ITGA10: variants seen among roughly 807,000 people sequenced by gnomAD.
ITGA10 encodes the protein integrin subunit alpha 10, also known as integrin alpha-10.
Under a neutral mutation model 145.2 loss-of-function variants are expected in ITGA10, and 105 were observed. The ratio of observed to expected loss-of-function variants is 0.72; its 90% CI spans 0.62 to 0.85. The LOEUF (loss-of-function observed/expected upper bound fraction) is 0.85. ITGA10 is among the 40% of genes least tolerant of loss of function. The pLI is 0.00. For missense variants in ITGA10, 1,317 were observed against 1,444.5 expected (o/e 0.91, Z 1.43); for synonymous variants, 506 against 557.8 (o/e 0.91, Z 1.31).
At position 145,891,804 on chromosome 1, in the gene ITGA10, G is replaced by A. The variant is rs1245058271; in HGVS notation, c.*994C>T. The A allele has an allele frequency of 2.0e-5, 3 of 152,226 alleles. No individual in the cohort carries two copies. Among genetic ancestry groups the A allele is most frequent in the African/African-American group, 4.8e-5 (2 of 41,446 alleles). The allele number at this position is 152,226 out of a possible 1,614,324, so 9.4% of individuals were successfully genotyped here. A position where few individuals can be genotyped will look rare whatever the true frequency, so the allele number is the denominator to read the frequency against. On this transcript the variant is annotated 3_prime_UTR_variant, in exon 30 of 30. Coordinates refer to ENST00000369304, the MANE Select transcript of ITGA10 (RefSeq NM_003637.5). ...CCACCCATGTAGGTTTCTTAATGCA[G>A]ACTCCACACTTTTAGATCCCATGGG...
In ITGA10 at chr1:145,895,260, C is replaced by T. The variant is rs16827006; in HGVS notation, c.3228+20G>A. Reference sequence around the variant, plus strand: ...CAGAAAGGAGCAGAAGTGGGGAGTACTAGAAAAGGAAAGGCTTACTCTTCG... The same window carrying T: ...CAGAAAGGAGCAGAAGTGGGGAGTATTAGAAAAGGAAAGGCTTACTCTTCG... On this transcript the variant is annotated intron_variant, in intron 27 of 29. Transcript: ENST00000369304. The T allele has an allele frequency of 1.3e-6, 2 of 1,547,248 alleles. No individual in the cohort carries two copies. Among genetic ancestry groups the T allele is most frequent in the African/African-American group, 1.4e-5 (1 of 73,560 alleles).
At chr1:145,898,866 T>C in intron 17 of ITGA10, 70 bp downstream of exon 17, 1 of 1,532,072 alleles carries the variant, frequency 6.5e-7, no homozygotes, top group Non-Finnish European at 8.8e-7. Context: ...TCAGCTAAAA[T>C]TCCTCCTCTG....
intron 23 of ITGA10, 64 bp from the exon 24 acceptor site, chr1:145,896,416 A>G: frequency 3.3e-6 from 4 of 1,211,222 alleles, no homozygotes; most frequent in Non-Finnish European, 4.9e-6. Context: ...GGGGCACATG[A>G]TCAGCACACA....
rs1553750640 is a variant in ITGA10 at position 145,905,070 on chromosome 1, C to CACACACACACACACACACG, written c.482-260_482-259insCGTGTGTGTGTGTGTGTGT. ...TATATAGGTATATAAACACACACAC[C>CACACACACACACACACACG]TACACATTTATATACATAGATATAA... is the stretch of plus-strand genomic sequence containing the variant. On this transcript the variant is annotated intron_variant, in intron 5 of 29. Coordinates refer to ENST00000369304, the MANE Select transcript of ITGA10 (RefSeq NM_003637.5). Among the ~76,000 whole-genome samples the CACACACACACACACACACG allele has an allele frequency of 1.5e-3, 222 of 151,420 alleles. No homozygotes were observed. In the South Asian group the frequency reaches 0.025, roughly 17 times the overall value.
In ITGA10 at chr1:145,903,002, GACACACACACACACACACACATAC is replaced by G. The variant is rs1231170923; in HGVS notation, c.759-65_759-42del. 7,426 of 1,093,136 alleles carry G rather than the reference GACACACACACACACACACACATAC, an allele frequency of 6.8e-3. 46 individuals carry two copies. Among genetic ancestry groups the G allele is most frequent in the South Asian group, 0.012 (739 of 59,262 alleles). 67.7% of individuals were successfully genotyped at this position (1,093,136 alleles called of 1,614,324 possible). ...AGTGAGGTGAGATCAGATGTATGCA[GACACACACACACACACACACATAC>G]ACACACACACACACACACACACACA... On this transcript the variant is annotated intron_variant, in intron 7 of 29. Transcript: ENST00000369304.
At position 145,897,616 on chromosome 1, in the gene ITGA10, C is replaced by T; in HGVS notation, c.2470G>A (p.Val824Met). Residue 824 changes from valine to methionine, a missense_variant, in exon 20 of 30, where the codon GTG (valine) becomes ATG (methionine). Val to Met is a conservative substitution (Grantham distance 21, BLOSUM62 1). Coordinates refer to ENST00000369304, the MANE Select transcript of ITGA10 (RefSeq NM_003637.5). ...PFVVRGGRRK[V>M]LVSTTLENRK... ...TTCTCCAGAGTTGTAGATACCAGCA[C>T]TTTCCGCCGGCCACCTCGAACCACA... 6.2e-7 allele frequency: 1 copy of T among 1,614,154 alleles called. No individual in the cohort carries two copies. Among genetic ancestry groups the T allele is most frequent in the Non-Finnish European group, 8.5e-7 (1 of 1,180,032 alleles).
chr1:145,894,265 C>T (rs998117936), intron 27 of ITGA10, among the ~76,000 whole-genome samples: 1 of 151,720 alleles, frequency 6.6e-6, no homozygotes, highest in Admixed American at 6.6e-5. Context: ...GCGCCTGCCA[C>T]CACACCTGGC....
intron 5 of ITGA10, among the ~76,000 whole-genome samples, chr1:145,905,196 TG>T (rs1455596808): frequency 6.6e-6 from 1 of 151,956 alleles, no homozygotes; most frequent in Non-Finnish European, 1.5e-5. Context: ...GTGGTTCTGA[TG>T]GTGAGGAATG....
rs782014710 is a variant in ITGA10 at position 145,904,138 on chromosome 1, C to T, written c.672G>A (p.Thr224=). ...TTGCTGCTCTCACCACTTCTTCCTT[C>T]GTTCGGAAATCTCCCAGGGACCACT... ...VHEWSLGDFR[T]KEEVVRAAKN... is the part of the protein sequence containing the mutation. Residue 224 remains threonine (T), a synonymous_variant, in exon 7 of 30, where the codon ACG becomes ACA. Transcript: ENST00000369304. 4.2e-5 allele frequency: 67 copies of T among 1,614,070 alleles called. No homozygotes were observed. Among genetic ancestry groups the T allele is most frequent in the Middle Eastern group, 1.6e-4 (1 of 6,082 alleles).
chr1:145,904,072 G>A lies in ITGA10; in HGVS notation c.738C>T (p.Ala246=). 6.2e-7 allele frequency: 1 copy of A among 1,613,962 alleles called. No homozygotes were observed. Residue 246 remains alanine, a synonymous_variant, in exon 7 of 30, where the codon GCC becomes GCT. Transcript: ENST00000369304. ...CTCACCAGGCCACCATTATTGCTTG[G>A]GCAGTCTTTGTTTCTCGTCCCTCCC... is the stretch of plus-strand genomic sequence containing the variant. ...SRREGRETKT[A]QAIMVACTEG... is the part of the protein sequence containing the mutation.
In ITGA10 at chr1:145,897,243, C is replaced by G. The variant is rs782171787; in HGVS notation, c.2667+4G>C. On this transcript the variant is annotated splice_donor_region_variant and intron_variant, in intron 21 of 29. Transcript: ENST00000369304. ...CCCTCTTTTCATCCTAGACCCCAAC[C>G]CACCTTGGCTCCAGTCTGGAAGACA... 3.1e-6 allele frequency: 5 copies of G among 1,613,996 alleles called. No individual in the cohort carries two copies. In the South Asian group the frequency reaches 4.4e-5, roughly 14 times the overall value.
intron 4 of ITGA10, 43 bp from the exon 5 acceptor site, chr1:145,906,551 C>A (rs1415488963): frequency 1.3e-6 from 2 of 1,537,044 alleles, no homozygotes; most frequent in East Asian, 2.3e-5. Flanking sequence ...TGGGAGGGCA[C>A]CCTCAGAACA....
At position 145,904,015 on chromosome 1, in the gene ITGA10, G is replaced by A. The variant is rs1158819841; in HGVS notation, c.758+37C>T. On this transcript the variant is annotated intron_variant, in intron 7 of 29. Transcript: ENST00000369304. Reference sequence around the variant, plus strand: ...GCCCTAACTCTTCTAAGCCTTCATTGCTCTAGCCTCCCACACCTGTCTTCC... The same window carrying A: ...GCCCTAACTCTTCTAAGCCTTCATTACTCTAGCCTCCCACACCTGTCTTCC... The A allele has an allele frequency of 5.0e-6, 8 of 1,611,754 alleles. No individual in the cohort carries two copies. In the African/African-American group the frequency reaches 9.4e-5, roughly 19 times the overall value.
At position 145,901,637 on chromosome 1, in the gene ITGA10, C is replaced by T. The variant is rs149835959; in HGVS notation, c.1322G>A (p.Arg441Gln). ...AGAGAGAAACAGGCGGCGTCCACCC[C>T]GCAAAAGCATGGAAGAAACAGAGTA... ...LGYSVSSMLL[R>Q]GGRRLFLSGA... The change falls in exon 12 of 30, where the codon CGG becomes CAG. Residue 441 changes from arginine to glutamine, a missense_variant. Transcript: ENST00000369304. The surrounding 1 kb of genome is among the most constrained non-coding windows in gnomAD (Gnocchi z 4.3). The T allele has an allele frequency of 1.8e-5, 28 of 1,581,286 alleles. No individual in the cohort carries two copies. The highest frequency in any genetic ancestry group is 5.8e-5 in the Admixed American group (3 of 52,120).
rs782333999 is a variant in ITGA10 at position 145,895,994 on chromosome 1, T to C, written c.3022A>G (p.Ile1008Val). The change falls in exon 25 of 30, where the codon ATC becomes GTC. Residue 1008 changes from isoleucine to valine, a missense_variant. Transcript: ENST00000369304. ...TAGACCAGACTCACATTGTTAGTGA[T>C]GACTTGAGACAGTGATAGGAAGTAA... ...GNYFLSLSQV[I>V]TNNASCIVQN... The C allele has an allele frequency of 3.1e-5, 50 of 1,612,708 alleles. 1 individual carries two copies. The South Asian group carries it at 5.3e-4, about 17-fold the overall frequency.
chr1:145,895,201 G>T, intron 27 of ITGA10, 79 bp downstream of exon 27: 1 of 980,360 alleles, frequency 1.0e-6, no homozygotes, highest in Non-Finnish European at 1.6e-6. Context: ...CTTGAACGTG[G>T]GTCTGTCTAC....
At chr1:145,902,050 G>C in intron 10 of ITGA10, 29 bp from the exon 11 acceptor site, 1 of 1,611,654 alleles carries the variant, frequency 6.2e-7, no homozygotes. Flanking sequence ...TGGGGTCACT[G>C]AGAAGACAGT....
Position 145,898,949 on chromosome 1 carries a change from T to C in ITGA10, c.2219A>G (p.His740Arg), listed in dbSNP as rs782484976. 8.1e-6 allele frequency: 13 copies of C among 1,613,910 alleles called. No individual in the cohort carries two copies. Among genetic ancestry groups the C allele is most frequent in the Non-Finnish European group, 1.1e-5 (13 of 1,179,892 alleles). ...SVGNVTCEQL[H>R]FHVLDTSDYL... ...CCCTCTCCTTACCAGCACATGGAAG[T>C]GTAGCTGCTCACAAGTGACATTCCC... Residue 740 changes from histidine (H) to arginine (R), a missense_variant, in exon 17 of 30, where the codon CAC becomes CGC. Physicochemically the swap from His to Arg is conservative, Grantham distance 29. Coordinates refer to ENST00000369304, the MANE Select transcript of ITGA10 (RefSeq NM_003637.5).
In ITGA10 at chr1:145,908,696, C is replaced by G. The variant is rs587633574; in HGVS notation, c.53-1231G>C. On this transcript the variant is annotated intron_variant, in intron 1 of 29. Transcript: ENST00000369304. Reference sequence around the variant, plus strand: ...TAAGCAACCCCCTCTCAGGCTACCCCCTCACCATTACCAATGGCTATAGCT... The same window carrying G: ...TAAGCAACCCCCTCTCAGGCTACCCGCTCACCATTACCAATGGCTATAGCT... Among the ~76,000 whole-genome samples, 51 of 152,304 alleles carry G rather than the reference C, an allele frequency of 3.3e-4. No individual in the cohort carries two copies. The South Asian group carries it at 9.7e-3, about 29-fold the overall frequency.
Sources: allele counts gnomAD v4.1 joint callset (sites outside exome capture counted in the v4.1 genomes callset), GRCh38; gene constraint gnomAD v4.1.1; non-coding constraint Gnocchi (gnomAD v3.1); transcripts MANE v1.5; gene names NCBI Gene and HGNC (gene_info 2026-07-23, HGNC 2026-07-21).